Variants in XKR6 observed in about 807,000 individuals in gnomAD.
XKR6 encodes the protein XK related 6.
Under a neutral mutation model 56.7 loss-of-function variants are expected in XKR6, and 22 were observed. That is an observed-to-expected ratio of 0.39 (90% CI 0.28 to 0.55). The LOEUF is 0.55. Among genes scored for constraint, XKR6 ranks in the 20% least tolerant of loss-of-function variants. The pLI is 0.66. For missense variants in XKR6, 852 were observed against 889.0 expected (o/e 0.96, Z 0.53); for synonymous variants, 524 against 387.8 (o/e 1.35, Z -4.13).
intron 1 of XKR6, among the ~76,000 whole-genome samples, chr8:11,063,549 T>G (rs1563112673): frequency 6.6e-6 from 1 of 150,510 alleles, no homozygotes; most frequent in African/African-American, 2.4e-5. Flanking sequence ...ATTACGCTAC[T>G]GAGATTATGT....
intron 1 of XKR6, among the ~76,000 whole-genome samples, chr8:11,004,181 AG>A (rs1307048252): frequency 2.0e-5 from 3 of 149,782 alleles, no homozygotes; most frequent in Non-Finnish European, 4.4e-5. Flanking sequence ...TATGTTAAAA[AG>A]CTCCTGTGGG....
intron 1 of XKR6, among the ~76,000 whole-genome samples, chr8:11,071,569 TCCATGAGCCCC>T: frequency 7.0e-6 from 1 of 141,942 alleles, no homozygotes; most frequent in African/African-American, 2.7e-5. Flanking sequence ...GAGCCCCGAG[TCCATGAGCCCC>T]GAGTCCATGA....
At chr8:11,192,821 G>A (rs897387592) in intron 1 of XKR6, among the ~76,000 whole-genome samples, 2 of 152,142 alleles carry the variant, frequency 1.3e-5, no homozygotes, top group Non-Finnish European at 2.9e-5. Flanking sequence ...CCTAACACAG[G>A]AGTCTCTGCC....
chr8:11,056,969 C>T (rs780134721), intron 1 of XKR6, among the ~76,000 whole-genome samples: 1 of 152,220 alleles, frequency 6.6e-6, no homozygotes, highest in Non-Finnish European at 1.5e-5. Context: ...TCTACCCCCA[C>T]GTTGGTGCCC....
chr8:11,026,712 C>CTAGATGGTCTAGCCTACTACACACT (rs1798874325), intron 1 of XKR6, among the ~76,000 whole-genome samples: 1 of 151,102 alleles, frequency 6.6e-6, no homozygotes, highest in South Asian at 2.1e-4. Context: ...TACTACACAC[C>CTAGATGGTCTAGCCTACTACACACT]TAGATGGTCT....
intron 1 of XKR6, among the ~76,000 whole-genome samples, chr8:11,146,108 G>T (rs780869923): frequency 9.2e-5 from 14 of 152,140 alleles, no homozygotes; most frequent in Non-Finnish European, 1.9e-4. Flanking sequence ...TCAACAAATA[G>T]TAATAGAACA....
At chr8:11,089,569 C>T (rs759328955) in intron 1 of XKR6, among the ~76,000 whole-genome samples, 2 of 152,034 alleles carry the variant, frequency 1.3e-5, no homozygotes, top group Non-Finnish European at 2.9e-5. Flanking sequence ...TCTAGGAGCT[C>T]GAGGCTGCAG....
At chr8:11,116,559 C>G (rs570240680) in intron 1 of XKR6, among the ~76,000 whole-genome samples, 3 of 152,058 alleles carry the variant, frequency 2.0e-5, no homozygotes, top group Non-Finnish European at 4.4e-5. Flanking sequence ...TTAGTAGAGA[C>G]GGGGTTTCTC....
At chr8:11,041,233 G>A (rs752669804) in intron 1 of XKR6, among the ~76,000 whole-genome samples, 1 of 152,108 alleles carries the variant, frequency 6.6e-6, no homozygotes, top group African/African-American at 2.4e-5. Flanking sequence ...AGCATTAAGG[G>A]AAAACAAGCA....
chr8:11,049,027 G>A (rs972290775), intron 1 of XKR6, among the ~76,000 whole-genome samples: 3 of 152,196 alleles, frequency 2.0e-5, no homozygotes, highest in Non-Finnish European at 2.9e-5. Flanking sequence ...ACAAGATCCC[G>A]TGACTATGCC....
chr8:10,938,006 GC>G (rs945304467), intron 1 of XKR6, among the ~76,000 whole-genome samples: 15 of 151,994 alleles, frequency 9.9e-5, no homozygotes, highest in African/African-American at 3.6e-4. Flanking sequence ...CAGCCTCGCT[GC>G]CGCCTTGCAG....
intron 1 of XKR6, among the ~76,000 whole-genome samples, chr8:11,044,677 A>G (rs542640973): frequency 1.3e-5 from 2 of 151,198 alleles, no homozygotes; most frequent in African/African-American, 4.9e-5. Flanking sequence ...GGAGTGCAAT[A>G]GCATGATCTC....
intron 1 of XKR6, among the ~76,000 whole-genome samples, chr8:11,156,665 T>C (rs1304158764): frequency 6.6e-6 from 1 of 152,164 alleles, no homozygotes; most frequent in African/African-American, 2.4e-5. Flanking sequence ...TATTCAATTG[T>C]CATCAAAATA....
chr8:11,096,052 C>A (rs974212885), intron 1 of XKR6, among the ~76,000 whole-genome samples: 1 of 152,148 alleles, frequency 6.6e-6, no homozygotes, highest in African/African-American at 2.4e-5. Context: ...AAAATGCTAT[C>A]AACAAAGCTA....
intron 1 of XKR6, among the ~76,000 whole-genome samples, chr8:11,130,452 G>A (rs1034710345): frequency 3.9e-5 from 6 of 152,072 alleles, no homozygotes; most frequent in Non-Finnish European, 5.9e-5. Context: ...GGCGAGAACC[G>A]GGACGTGTGT....
At position 10,953,026 on chromosome 8, in the gene XKR6, C is replaced by G. The variant is rs559102554; in HGVS notation, c.765-28196G>C. 1.2e-4 allele frequency among the ~76,000 whole-genome samples: 19 copies of G among 152,294 alleles called. No homozygotes were observed. The East Asian group carries it at 2.9e-3, about 23-fold the overall frequency. Reference sequence around the variant, plus strand: ...AATGCATGATGATCTGTCACTGTCTCCATCACCTCCAGATGGGACCATCTA... The same window carrying G: ...AATGCATGATGATCTGTCACTGTCTGCATCACCTCCAGATGGGACCATCTA... On this transcript the variant is annotated intron_variant, in intron 1 of 2. Transcript: ENST00000416569.
At chr8:11,035,499 G>A (rs1163019710) in intron 1 of XKR6, among the ~76,000 whole-genome samples, 1 of 152,200 alleles carries the variant, frequency 6.6e-6, no homozygotes, top group Non-Finnish European at 1.5e-5. Context: ...ATAAAGGGAG[G>A]AGGAAGCCCC....
intron 1 of XKR6, among the ~76,000 whole-genome samples, chr8:11,166,598 G>A (rs1054319593): frequency 1.4e-4 from 21 of 150,112 alleles, no homozygotes; most frequent in Admixed American, 1.3e-3. Flanking sequence ...TTGAGATGGA[G>A]TTTCACTCTT....
chr8:11,113,877 G>T (rs1308464883), intron 1 of XKR6: 2 of 238,770 alleles, frequency 8.4e-6, no homozygotes, highest in African/African-American at 4.6e-5. Flanking sequence ...AATACCTTTG[G>T]TTTACAACTT....
Sources: allele counts gnomAD v4.1 joint callset (sites outside exome capture counted in the v4.1 genomes callset), GRCh38; gene constraint gnomAD v4.1.1; transcripts MANE v1.5; gene names NCBI Gene and HGNC (gene_info 2026-07-23, HGNC 2026-07-21).